Variants in PTPRT observed in about 807,000 individuals in gnomAD.
PTPRT encodes the protein receptor-type tyrosine-protein phosphatase T.
Under a neutral mutation model 176.8 loss-of-function variants are expected in PTPRT, and 56 were observed. That is an observed-to-expected ratio of 0.32 (90% confidence interval 0.26 to 0.40). The LOEUF (loss-of-function observed/expected upper bound fraction) is 0.40, where lower values mean the gene tolerates loss of function less well. PTPRT is among the 10% of genes least tolerant of loss of function. The probability of loss-of-function intolerance (pLI) is 1.00; values close to 1 mark genes in which losing one functional copy is unlikely to be tolerated. For missense variants in PTPRT, 1,540 were observed against 1,908.2 expected (o/e 0.81, Z 3.60); for synonymous variants, 783 against 739.0 (o/e 1.06, Z -0.96).
intron 19 of PTPRT, among the ~76,000 whole-genome samples, chr20:42,125,037 C>G (rs945646444): frequency 6.6e-6 from 1 of 152,132 alleles, no homozygotes; most frequent in East Asian, 1.9e-4. Flanking sequence ...CTTGCTTGAC[C>G]TTGTCACTCA....
intron 4 of PTPRT, among the ~76,000 whole-genome samples, chr20:42,779,288 TGAGGCAGCAGCAAACTGCACCATA>T (rs2077181122): frequency 6.6e-6 from 1 of 152,168 alleles, no homozygotes; most frequent in Non-Finnish European, 1.5e-5. Context: ...TGATGTCTCT[TGAGGCAGCAGCAAACTGCACCATA>T]GCCCAAAGCA....
chr20:43,103,525 C>T (rs1338951340), intron 1 of PTPRT, among the ~76,000 whole-genome samples: 1 of 151,838 alleles, frequency 6.6e-6, no homozygotes, highest in East Asian at 1.9e-4. Context: ...GGATTACCAC[C>T]CTTGCCATAA....
intron 1 of PTPRT, among the ~76,000 whole-genome samples, chr20:43,188,758 G>GGGC (rs1555845671): frequency 6.7e-6 from 1 of 149,564 alleles, no homozygotes; most frequent in African/African-American, 2.4e-5. Context: ...TTGGGGGGGG[G>GGGC]GGGGCTCGGG....
chr20:42,495,378 C>T (rs2071635635), intron 7 of PTPRT, among the ~76,000 whole-genome samples: 1 of 152,142 alleles, frequency 6.6e-6, no homozygotes, highest in Non-Finnish European at 1.5e-5. Flanking sequence ...ATTCATATTT[C>T]CTACCTCAGT....
intron 2 of PTPRT, among the ~76,000 whole-genome samples, chr20:42,859,862 G>A (rs976946098): frequency 6.6e-6 from 1 of 151,926 alleles, no homozygotes. Context: ...AAAGTGCTGG[G>A]ATTACAGGCA....
chr20:43,005,702 C>T (rs1984817373), intron 1 of PTPRT, among the ~76,000 whole-genome samples: 2 of 152,184 alleles, frequency 1.3e-5, no homozygotes, highest in Admixed American at 6.5e-5. Flanking sequence ...TAGCTCAGAG[C>T]CTGCAATGCT....
chr20:43,059,231 T>C (rs1987359505), intron 1 of PTPRT, among the ~76,000 whole-genome samples: 1 of 152,236 alleles, frequency 6.6e-6, no homozygotes, highest in Non-Finnish European at 1.5e-5. Context: ...GCCTTAATGT[T>C]CTTTTTTTCA....
the PTPRT span, among the ~76,000 whole-genome samples, chr20:42,035,936 C>A: frequency 1.3e-5 from 2 of 152,112 alleles, no homozygotes; most frequent in African/African-American, 4.8e-5. Context: ...CTAAAGTAGA[C>A]CTTGAGACAA....
chr20:42,362,974 C>T lies in PTPRT; in HGVS notation c.1561-10689G>A, dbSNP rs971041042. 2.0e-4 allele frequency among the ~76,000 whole-genome samples: 31 copies of T among 151,264 alleles called. 1 individual carries two copies. Among genetic ancestry groups the T allele is most frequent in the African/African-American group, 6.8e-4 (28 of 41,236 alleles). On this transcript the variant is annotated intron_variant, in intron 9 of 30. Coordinates refer to ENST00000373187, the MANE Select transcript of PTPRT (RefSeq NM_007050.6). Reference sequence around the variant, plus strand: ...TACAAAAGTTAGCTAAGCATGGTGGCGGGCGCGGGTAATCCTAGCTACTTG... The same window carrying T: ...TACAAAAGTTAGCTAAGCATGGTGGTGGGCGCGGGTAATCCTAGCTACTTG...
intron 17 of PTPRT, among the ~76,000 whole-genome samples, chr20:42,144,866 T>A (rs548931573): frequency 3.3e-5 from 5 of 152,278 alleles, no homozygotes; most frequent in East Asian, 1.9e-4. Context: ...AGGTCTATCC[T>A]AAGCAAGGAG....
At chr20:43,078,837 G>C (rs770619283) in intron 1 of PTPRT, among the ~76,000 whole-genome samples, 20 of 152,284 alleles carry the variant, frequency 1.3e-4, no homozygotes, top group Admixed American at 3.3e-4. Context: ...AAAAGGCAGA[G>C]CCAACAATCA....
At chr20:43,065,632 T>A (rs903499672) in intron 1 of PTPRT, among the ~76,000 whole-genome samples, 1 of 152,206 alleles carries the variant, frequency 6.6e-6, no homozygotes, top group African/African-American at 2.4e-5. Context: ...TCTGCTACCT[T>A]AGCACAATGA....
At chr20:42,584,976 T>A (rs147288634) in intron 7 of PTPRT, among the ~76,000 whole-genome samples, 21 of 152,350 alleles carry the variant, frequency 1.4e-4, no homozygotes, top group African/African-American at 5.1e-4. Context: ...CAGGCTGCAC[T>A]GGTGCTTACC....
chr20:42,928,282 T>A (rs759728213), intron 1 of PTPRT, among the ~76,000 whole-genome samples: 2 of 152,214 alleles, frequency 1.3e-5, no homozygotes, highest in Non-Finnish European at 2.9e-5. Context: ...ACAATCTGAA[T>A]CAACAGCTGC....
intron 8 of PTPRT, among the ~76,000 whole-genome samples, chr20:42,460,396 T>G (rs918632309): frequency 2.0e-5 from 3 of 152,202 alleles, no homozygotes; most frequent in African/African-American, 7.2e-5. Context: ...CCTGCTACAA[T>G]GGTGGCATCG....
intron 16 of PTPRT, among the ~76,000 whole-genome samples, chr20:42,188,770 A>G (rs1412790000): frequency 6.6e-6 from 1 of 152,192 alleles, no homozygotes. Flanking sequence ...TGAGGTGTAG[A>G]GAACAATTCT....
At chr20:42,420,699 C>T (rs1203770856) in intron 9 of PTPRT, among the ~76,000 whole-genome samples, 1 of 152,144 alleles carries the variant, frequency 6.6e-6, no homozygotes, top group Non-Finnish European at 1.5e-5. Context: ...GGTCTGTCTT[C>T]GTCTGTCCCC....
chr20:43,105,367 G>C (rs1027823575), intron 1 of PTPRT, among the ~76,000 whole-genome samples: 8 of 150,268 alleles, frequency 5.3e-5, no homozygotes, highest in African/African-American at 2.0e-4. Context: ...TAGCTTTACC[G>C]ACTCCATGAA....
intron 7 of PTPRT, among the ~76,000 whole-genome samples, chr20:42,611,716 C>T (rs2073979537): frequency 6.6e-6 from 1 of 152,194 alleles, no homozygotes; most frequent in African/African-American, 2.4e-5. Context: ...TGAGATGGAA[C>T]CATCCCCTCC....
Sources: gnomAD v4.1 joint callset for allele counts (sites outside exome capture counted in the v4.1 genomes callset) on GRCh38, gnomAD v4.1.1 for gene constraint, MANE v1.5 for transcripts, NCBI Gene and HGNC (gene_info 2026-07-23, HGNC 2026-07-21) for gene names.